TNNI3K: variants seen among roughly 807,000 people sequenced by gnomAD.
TNNI3K encodes serine/threonine-protein kinase TNNI3K.
In TNNI3K, 140 loss-of-function variants were observed where a neutral mutation model predicts 114.5. The observed-to-expected ratio is 1.22, with a 90% CI of 1.07 to 1.41. TNNI3K has a LOEUF of 1.41. Among genes scored for constraint, TNNI3K ranks in the 40% most tolerant of loss-of-function variants. TNNI3K has a pLI of 0.00. For missense variants in TNNI3K, 1,125 were observed against 1,007.6 expected, an observed-to-expected ratio of 1.12 and a Z score of -1.58; for synonymous variants, 347 against 347.5, an observed-to-expected ratio of 1.00 and a Z score of 0.02.
intron 2 of TNNI3K, among the ~76,000 whole-genome samples, chr1:74,239,665 G>A (rs1484570208): frequency 2.6e-5 from 4 of 152,012 alleles, no homozygotes; most frequent in African/African-American, 7.2e-5. Context: ...TGGCATTCCC[G>A]GTAGATGCTA....
At chr1:74,417,962 T>C (rs1488743478) in intron 17 of TNNI3K, among the ~76,000 whole-genome samples, 1 of 152,106 alleles carries the variant, frequency 6.6e-6, no homozygotes, top group Non-Finnish European at 1.5e-5. Context: ...GAGACATCTA[T>C]TTCCAATTTC....
intron 17 of TNNI3K, among the ~76,000 whole-genome samples, chr1:74,413,801 T>C (rs983079379): frequency 6.6e-6 from 1 of 152,158 alleles, no homozygotes; most frequent in Non-Finnish European, 1.5e-5. Flanking sequence ...TCAGAGAGAA[T>C]AGAAAACAAT....
intron 21 of TNNI3K, among the ~76,000 whole-genome samples, chr1:74,484,484 T>C (rs1300879576): frequency 2.0e-5 from 3 of 152,214 alleles, no homozygotes; most frequent in Non-Finnish European, 4.4e-5. Flanking sequence ...TTAAGTCATA[T>C]GGTGATAAAT....
intron 5 of TNNI3K, among the ~76,000 whole-genome samples, chr1:74,317,538 G>T (rs1173318488): frequency 6.6e-6 from 1 of 152,160 alleles, no homozygotes; most frequent in Non-Finnish European, 1.5e-5. Context: ...AGGAAATGCA[G>T]TGAGGACACA....
Position 74,492,142 on chromosome 1 carries a change from T to C in TNNI3K, c.2227T>C (p.Ser743Pro). The change falls in exon 23 of 25, where the codon TCT (serine) becomes CCT (proline). Residue 743 changes from serine (S) to proline (P), a missense_variant. Physicochemically the swap from Ser to Pro is moderately conservative, Grantham distance 74 (BLOSUM62 -1). Transcript: ENST00000326637. ...TAACAGCAGTGGGTCTCTCTCACCT[T>C]CTTCTTCTTCTGATTGCCTGGTGAA... ...SSNSSGSLSPSSSSDCLVNRG... is the reference protein window; with the variant it reads ...SSNSSGSLSPPSSSDCLVNRG... The C allele has an allele frequency of 6.3e-7, 1 of 1,594,714 alleles. No homozygotes were observed. Among genetic ancestry groups the C allele is most frequent in the African/African-American group, 1.3e-5 (1 of 74,640 alleles).
At chr1:74,541,783 G>A (rs1646729510) in intron 24 of TNNI3K, among the ~76,000 whole-genome samples, 1 of 152,200 alleles carries the variant, frequency 6.6e-6, no homozygotes, top group South Asian at 2.1e-4. Context: ...TGGAGTGAGA[G>A]TACCTATAAA....
intron 17 of TNNI3K, among the ~76,000 whole-genome samples, chr1:74,392,614 G>A (rs1037032919): frequency 1.3e-5 from 2 of 152,106 alleles, no homozygotes; most frequent in Non-Finnish European, 2.9e-5. Context: ...CACAAATAAG[G>A]ATAATCCTCC....
In TNNI3K at chr1:74,475,340, C is replaced by G. The variant is rs1009116651; in HGVS notation, c.2121+11790C>G. ...TGTTGCAGAGTTTGAGGCTGGACTT[C>G]TCCAGGCTCAAGATTCCATAGCTTT... On this transcript the variant is annotated intron_variant, in intron 21 of 24. Transcript: ENST00000326637. 2.5e-5 allele frequency: 18 copies of G among 711,192 alleles called. No individual in the cohort carries two copies. In the Admixed American group the frequency reaches 3.7e-4, roughly 15 times the overall value. 44.1% of individuals were successfully genotyped at this position (711,192 alleles called of 1,614,324 possible).
At chr1:74,360,555 A>G (rs1167051690) in intron 11 of TNNI3K, among the ~76,000 whole-genome samples, 1 of 152,132 alleles carries the variant, frequency 6.6e-6, no homozygotes, top group Non-Finnish European at 1.5e-5. Context: ...TAATAGGGAT[A>G]GTATAAAACT....
At position 74,236,123 on chromosome 1, in the gene TNNI3K, G is replaced by A. The variant is rs1476014699; in HGVS notation, c.62G>A (p.Ser21Asn). ...TCTDEWKKKV[S>N]ESYVITIERL... ...CTAGATGAATGGAAGAAAAAAGTCA[G>A]TGAATCATATGTTATCACAATAGAA... Residue 21 changes from serine (S) to asparagine (N), a missense_variant, in exon 2 of 25, where the codon AGT (serine) becomes AAT (asparagine). Coordinates refer to ENST00000326637, the MANE Select transcript of TNNI3K (RefSeq NM_015978.3). 6 of 1,606,220 alleles carry A rather than the reference G, an allele frequency of 3.7e-6. No individual in the cohort carries two copies. In the East Asian group the frequency reaches 1.3e-4, roughly 36 times the overall value.
At chr1:74,511,672 A>G (rs914646770) in intron 23 of TNNI3K, among the ~76,000 whole-genome samples, 3 of 152,068 alleles carry the variant, frequency 2.0e-5, no homozygotes, top group African/African-American at 7.2e-5. Context: ...TCACAGTTTA[A>G]GGGAGGAGGT....
At chr1:74,291,712 T>C (rs928187142) in intron 5 of TNNI3K, among the ~76,000 whole-genome samples, 1 of 151,510 alleles carries the variant, frequency 6.6e-6, no homozygotes, top group Non-Finnish European at 1.5e-5. Flanking sequence ...AATGCTTTCA[T>C]ATATTAAGAA....
At position 74,336,009 on chromosome 1, in the gene TNNI3K, A is replaced by G; in HGVS notation, c.544-2A>G. The G allele has an allele frequency of 6.4e-7, 1 of 1,568,804 alleles. No homozygotes were observed. Reference sequence around the variant, plus strand: ...CTGATTTCAAATGAATAAATCCTTTAGGTAACTCGCCTTCTTTTGAAATTT... The same window carrying G: ...CTGATTTCAAATGAATAAATCCTTTGGGTAACTCGCCTTCTTTTGAAATTT... On this transcript the variant is annotated splice_acceptor_variant, in intron 6 of 24. Transcript: ENST00000326637. LOFTEE classifies it high-confidence loss of function.
At chr1:74,353,957 C>T (rs1553135472) in intron 10 of TNNI3K, 23 bp from the exon 11 acceptor site, 1 of 1,582,052 alleles carries the variant, frequency 6.3e-7, no homozygotes, top group Non-Finnish European at 8.6e-7. Flanking sequence ...TCCTTTTGTT[C>T]TTTCAATTCT....
chr1:74,242,994 C>A (rs1654340400), intron 2 of TNNI3K, among the ~76,000 whole-genome samples: 1 of 152,046 alleles, frequency 6.6e-6, no homozygotes, highest in African/African-American at 2.4e-5. Context: ...TCTTTCCTAT[C>A]CCTGTTTTGA....
chr1:74,264,691 GTA>G (rs1273219140), intron 4 of TNNI3K, among the ~76,000 whole-genome samples: 1 of 151,926 alleles, frequency 6.6e-6, no homozygotes, highest in African/African-American at 2.4e-5. Flanking sequence ...GGTGAATAAG[GTA>G]TTACAGAAAA....
At chr1:74,237,742 C>T (rs1653944490) in intron 2 of TNNI3K, among the ~76,000 whole-genome samples, 1 of 151,944 alleles carries the variant, frequency 6.6e-6, no homozygotes, top group Non-Finnish European at 1.5e-5. Context: ...GGGTGAGATG[C>T]AGGAATCTGT....
chr1:74,525,599 C>T lies in TNNI3K; in HGVS notation c.2352-14635C>T, dbSNP rs545277460. 5.3e-5 allele frequency among the ~76,000 whole-genome samples: 8 copies of T among 152,264 alleles called. No individual in the cohort carries two copies. The East Asian group carries it at 1.3e-3, about 26-fold the overall frequency. The stretch of plus-strand genomic sequence containing the variant: ...TAAACTCTGTGCCCAAATGCCAAGG[C>T]TACAGAGATAAGTAACAAAGCATGG... On this transcript the variant is annotated intron_variant, in intron 23 of 24. Transcript: ENST00000326637.
At chr1:74,397,637 C>T (rs1170735948) in intron 17 of TNNI3K, among the ~76,000 whole-genome samples, 1 of 152,164 alleles carries the variant, frequency 6.6e-6, no homozygotes, top group Non-Finnish European at 1.5e-5. Context: ...AGGCATCAAA[C>T]CATAACTGTT....
Sources: allele counts gnomAD v4.1 joint callset (sites outside exome capture counted in the v4.1 genomes callset), GRCh38; gene constraint gnomAD v4.1.1; transcripts MANE v1.5; gene names NCBI Gene and HGNC (gene_info 2026-07-23, HGNC 2026-07-21).